The following C12orf56 variants were observed in gnomAD, a reference collection of about 807,000 sequenced individuals.
C12orf56 encodes the protein uncharacterized protein C12orf56.
A neutral mutation model predicts 69.9 loss-of-function variants in C12orf56; 71 were observed. The ratio of observed to expected loss-of-function variants is 1.02; its 90% confidence interval spans 0.84 to 1.24. The LOEUF is 1.24. Among genes scored for constraint, C12orf56 ranks in the 50% most tolerant of loss-of-function variants. The pLI is 0.00. For synonymous variants in C12orf56, 276 were observed against 274.1 expected (o/e 1.01, Z -0.07); for missense variants, 732 against 738.5 (o/e 0.99, Z 0.10).
chr12:64,278,908 A>ACT (rs1328316396), intron 8 of C12orf56, among the ~76,000 whole-genome samples: 2 of 152,140 alleles, frequency 1.3e-5, no homozygotes, highest in African/African-American at 4.8e-5. Context: ...TTAGCCTAAT[A>ACT]TCCTCCAGTT....
intron 1 of C12orf56, among the ~76,000 whole-genome samples, chr12:64,357,609 A>G (rs1337132802): frequency 6.6e-6 from 1 of 151,876 alleles, no homozygotes; most frequent in East Asian, 1.9e-4. Flanking sequence ...TAGAGATGAG[A>G]TCTCGGGCCA....
In C12orf56 at chr12:64,330,964, G is replaced by A; in HGVS notation, c.484C>T (p.Leu162Phe). ...TACTCCAAACAACAATCTCACCTGAGAGGAGATTCTTTCAGACTTCTGGAC... is the reference window on the plus strand; with the variant it reads ...TACTCCAAACAACAATCTCACCTGAAAGGAGATTCTTTCAGACTTCTGGAC... ...KESRSLKESP[L>F]RDQQESSTPS... The change falls in exon 3 of 13, where the codon CTC (leucine) becomes TTC (phenylalanine). Residue 162 changes from leucine to phenylalanine, a missense_variant. Transcript: ENST00000543942. The A allele has an allele frequency of 6.4e-7, 1 of 1,553,476 alleles. No individual in the cohort carries two copies. Among genetic ancestry groups the A allele is most frequent in the Non-Finnish European group, 8.7e-7 (1 of 1,147,396 alleles).
intron 2 of C12orf56, among the ~76,000 whole-genome samples, chr12:64,334,475 A>G (rs1396855747): frequency 1.3e-5 from 2 of 152,232 alleles, no homozygotes; most frequent in African/African-American, 2.4e-5. Flanking sequence ...CATACAACCT[A>G]TGCATACCCT....
chr12:64,313,593 A>C (rs1411646913), intron 4 of C12orf56, among the ~76,000 whole-genome samples: 2 of 151,534 alleles, frequency 1.3e-5, no homozygotes, highest in East Asian at 3.9e-4. Context: ...AGGTCCTTCC[A>C]GGCATATAAA....
Position 64,308,889 on chromosome 12 carries a change from G to A in C12orf56, c.968+3790C>T, listed in dbSNP as rs866206442. ...AGAAAAGAAAGAAAGAAACAGAAAG[G>A]AAGAAAGAAAGAAAGAAAGAAAGAA... On this transcript the variant is annotated intron_variant, in intron 5 of 12. Transcript: ENST00000543942. 3.6e-3 allele frequency among the ~76,000 whole-genome samples: 248 copies of A among 69,262 alleles called. 2 individuals carry two copies. The highest frequency in any genetic ancestry group is 6.0e-3 in the African/African-American group (88 of 14,702). The allele number at this position is 69,262 out of a possible 152,430, so 45.4% of individuals were successfully genotyped here.
At chr12:64,308,643 G>GACAAAA (rs1202707664) in intron 5 of C12orf56, among the ~76,000 whole-genome samples, 1 of 151,612 alleles carries the variant, frequency 6.6e-6, no homozygotes, top group Non-Finnish European at 1.5e-5. Flanking sequence ...AGTCATTCGA[G>GACAAAA]ACCAGCCTGG....
chr12:64,361,088 G>T (rs369662055), intron 1 of C12orf56, among the ~76,000 whole-genome samples: 2 of 151,926 alleles, frequency 1.3e-5, no homozygotes, highest in Non-Finnish European at 2.9e-5. Flanking sequence ...GTGTGGTGGC[G>T]TGCACCTGTA....
At chr12:64,385,934 G>A (rs556171113) in intron 1 of C12orf56, among the ~76,000 whole-genome samples, 30 of 152,224 alleles carry the variant, frequency 2.0e-4, no homozygotes, top group Middle Eastern at 3.4e-3. Context: ...TCCCGAGGTG[G>A]GAGGATCATT....
At chr12:64,322,912 A>G (rs1008275273) in intron 3 of C12orf56, among the ~76,000 whole-genome samples, 2 of 152,284 alleles carry the variant, frequency 1.3e-5, no homozygotes, top group Admixed American at 6.5e-5. Context: ...CTCCTCTACA[A>G]ACAGAGCACA....
intron 4 of C12orf56, among the ~76,000 whole-genome samples, chr12:64,313,819 C>T (rs576232180): frequency 2.6e-5 from 4 of 151,370 alleles, no homozygotes; most frequent in African/African-American, 7.3e-5. Context: ...CCAAGGTGGG[C>T]GGATCACGAG....
At chr12:64,270,462 C>A in intron 12 of C12orf56, 74 bp downstream of exon 12, 1 of 1,192,904 alleles carries the variant, frequency 8.4e-7, no homozygotes, top group Non-Finnish European at 1.1e-6. Flanking sequence ...AATATTGGAC[C>A]ATGTTGCAGG....
rs776501355 is a variant in C12orf56, at chr12:64,330,981, C to T, written c.467G>A (p.Ser156Asn). Residue 156 changes from serine (S) to asparagine (N), a missense_variant, in exon 3 of 13, where the codon AGT becomes AAT. Physicochemically the swap from Ser to Asn is conservative, Grantham distance 46 (BLOSUM62 1). Transcript: ENST00000543942. ...TCACCTGAGAGGAGATTCTTTCAGA[C>T]TTCTGGACTCTTTGCTTCTCCAAAA... is the stretch of plus-strand genomic sequence containing the variant. ...LAFWRSKESR[S>N]LKESPLRDQQ... The T allele has an allele frequency of 1.3e-6, 2 of 1,556,666 alleles. No homozygotes were observed. The highest frequency in any genetic ancestry group is 3.9e-5 in the Admixed American group (2 of 51,656).
At chr12:64,268,598 G>C (rs2037942262) in intron 12 of C12orf56, among the ~76,000 whole-genome samples, 2 of 152,154 alleles carry the variant, frequency 1.3e-5, no homozygotes, top group African/African-American at 4.8e-5. Context: ...AGTTTCTTTT[G>C]AGGTGATGAA....
At chr12:64,337,336 A>G (rs1439181053) in intron 2 of C12orf56, among the ~76,000 whole-genome samples, 3 of 152,270 alleles carry the variant, frequency 2.0e-5, no homozygotes, top group Non-Finnish European at 4.4e-5. Flanking sequence ...CCCACAGGTT[A>G]AGGGCTCAGT....
intron 2 of C12orf56, chr12:64,338,349 T>C (rs1592466555): frequency 1.6e-6 from 1 of 613,004 alleles, no homozygotes; most frequent in African/African-American, 1.8e-5. Flanking sequence ...ACATAGCTGG[T>C]GGAGTTGAGA....
intron 4 of C12orf56, among the ~76,000 whole-genome samples, chr12:64,315,155 T>C (rs557025282): frequency 6.6e-6 from 1 of 152,072 alleles, no homozygotes; most frequent in East Asian, 1.9e-4. Context: ...TTTCACCATG[T>C]TGTCCAGGCT....
At position 64,328,706 on chromosome 12, in the gene C12orf56, AATATATATATATATATATATATAT is replaced by A. The variant is rs138783628; in HGVS notation, c.488+2230_488+2253del. On this transcript the variant is annotated intron_variant, in intron 3 of 12. Transcript: ENST00000543942. ...AAAAAAAAAAAAAAAAAAAAAAAAA[AATATATATATATATATATATATAT>A]ATATATAGTATCACACTTTAACTTA... Among the ~76,000 whole-genome samples the A allele has an allele frequency of 4.0e-4, 6 of 15,112 alleles. 1 individual carries two copies. The highest frequency in any genetic ancestry group is 4.2e-3 in the East Asian group (2 of 476). The allele number at this position is 15,112 out of a possible 152,430, so 9.9% of individuals were successfully genotyped here.
chr12:64,308,955 G>GAA (rs1266309361), intron 5 of C12orf56, among the ~76,000 whole-genome samples: 4 of 105,684 alleles, frequency 3.8e-5, no homozygotes, highest in Non-Finnish European at 6.0e-5. Flanking sequence ...AAGAAAGAAA[G>GAA]AAAGAAAGAA....
chr12:64,280,892 T>C (rs1027531489), intron 8 of C12orf56, among the ~76,000 whole-genome samples: 1 of 152,244 alleles, frequency 6.6e-6, no homozygotes, highest in African/African-American at 2.4e-5. Flanking sequence ...TGCCCAGATT[T>C]CTGATCCACT....
Sources: allele counts gnomAD v4.1 joint callset (sites outside exome capture counted in the v4.1 genomes callset), GRCh38; gene constraint gnomAD v4.1.1; transcripts MANE v1.5; gene names NCBI Gene and HGNC (gene_info 2026-07-23, HGNC 2026-07-21).